Variants in DOCK9 observed in about 807,000 individuals in gnomAD.
DOCK9 encodes the protein dedicator of cytokinesis protein 9.
Under a neutral mutation model 263.3 loss-of-function variants are expected in DOCK9, and 89 were observed. That is an observed-to-expected ratio of 0.34 (90% CI 0.28 to 0.40). The LOEUF is 0.40. DOCK9 is among the 10% of genes least tolerant of loss of function. The pLI is 1.00. For synonymous variants in DOCK9, 976 were observed against 973.1 expected (o/e 1.00, Z -0.06); for missense variants, 2,140 against 2,603.4 (o/e 0.82, Z 3.87).
intron 1 of DOCK9, among the ~76,000 whole-genome samples, chr13:99,027,240 G>C (rs898062434): frequency 2.0e-5 from 3 of 151,928 alleles, no homozygotes; most frequent in Non-Finnish European, 4.4e-5. Flanking sequence ...GGCTGGTATC[G>C]AACTCCTAAC....
intron 1 of DOCK9, among the ~76,000 whole-genome samples, chr13:98,995,812 G>C (rs532265435): frequency 6.6e-6 from 1 of 152,114 alleles, no homozygotes; most frequent in Non-Finnish European, 1.5e-5. Flanking sequence ...AACATGGCTA[G>C]AAGGAGGAGT....
chr13:98,981,418 A>G (rs1316667385), upstream of DOCK9, among the ~76,000 whole-genome samples: 1 of 152,188 alleles, frequency 6.6e-6, no homozygotes. Flanking sequence ...GGGACCATCA[A>G]TGTGCAATAT....
intron 1 of DOCK9, among the ~76,000 whole-genome samples, chr13:99,026,148 G>A (rs1325646777): frequency 6.6e-6 from 1 of 151,936 alleles, no homozygotes; most frequent in Non-Finnish European, 1.5e-5. Context: ...CCGGGGTGAT[G>A]GCTAAGGGGT....
chr13:98,857,732 A>G (rs556751565), intron 33 of DOCK9: 2 of 152,366 alleles, frequency 1.3e-5, no homozygotes, highest in Non-Finnish European at 2.9e-5. Flanking sequence ...AAGAGCCAGG[A>G]GAATTTGAAA....
At chr13:99,034,067 C>T (rs908163411) in intron 1 of DOCK9, among the ~76,000 whole-genome samples, 3 of 152,122 alleles carry the variant, frequency 2.0e-5, no homozygotes, top group Non-Finnish European at 4.4e-5. Flanking sequence ...ATTTTTAATA[C>T]TGTTCAGCTC....
chr13:98,848,773 C>T, intron 36 of DOCK9, 134 bp from the exon 37 acceptor site: 1 of 974,600 alleles, frequency 1.0e-6, no homozygotes, highest in Non-Finnish European at 1.5e-6. Context: ...CTCATTCATT[C>T]AGAATGGTTT....
At chr13:98,920,879 C>A in intron 7 of DOCK9, 75 bp downstream of exon 7, 1 of 1,416,904 alleles carries the variant, frequency 7.1e-7, no homozygotes. Context: ...GAAGTGTTTG[C>A]TTAAATCTGC....
chr13:98,922,238 G>C, intron 5 of DOCK9, 92 bp from the exon 6 acceptor site: 1 of 889,360 alleles, frequency 1.1e-6, no homozygotes, highest in Non-Finnish European at 1.8e-6. Context: ...CATTCCCTTT[G>C]TGCCAAGTTG....
At chr13:98,822,797 T>C (rs1312197296) in intron 45 of DOCK9, among the ~76,000 whole-genome samples, 4 of 152,116 alleles carry the variant, frequency 2.6e-5, no homozygotes, top group Non-Finnish European at 5.9e-5. Flanking sequence ...CCTAGAAAAC[T>C]TTATTGGGGT....
intron 45 of DOCK9, among the ~76,000 whole-genome samples, chr13:98,813,599 T>C (rs980149158): frequency 6.6e-6 from 1 of 152,154 alleles, no homozygotes; most frequent in African/African-American, 2.4e-5. Flanking sequence ...CTGTTTTATG[T>C]ATTGCTAGAT....
At chr13:99,037,259 T>C (rs1189316715) in intron 1 of DOCK9, among the ~76,000 whole-genome samples, 1 of 152,066 alleles carries the variant, frequency 6.6e-6, no homozygotes, top group Non-Finnish European at 1.5e-5. Flanking sequence ...TATCCAGATA[T>C]ATAAAGAACT....
At chr13:99,011,323 A>C (rs905437706) in intron 1 of DOCK9, among the ~76,000 whole-genome samples, 1 of 152,228 alleles carries the variant, frequency 6.6e-6, no homozygotes, top group African/African-American at 2.4e-5. Flanking sequence ...ATGGCAGGTA[A>C]TATAAAAAAA....
intron 47 of DOCK9, chr13:98,809,064 C>A: frequency 6.6e-7 from 1 of 1,517,354 alleles, no homozygotes; most frequent in Non-Finnish European, 8.8e-7. Flanking sequence ...AGCAAACTTG[C>A]AAACCACACT....
intron 4 of DOCK9, among the ~76,000 whole-genome samples, chr13:98,924,856 C>T (rs930055064): frequency 6.6e-6 from 1 of 152,056 alleles, no homozygotes; most frequent in Non-Finnish European, 1.5e-5. Flanking sequence ...ACCTGCAGAA[C>T]TATAAGCGAA....
chr13:98,846,826 G>A (rs919938322), intron 37 of DOCK9: 3 of 351,562 alleles, frequency 8.5e-6, no homozygotes, highest in South Asian at 4.3e-5. Context: ...CTCGACCACC[G>A]TGGATGGCAA....
At chr13:98,902,261 T>C (rs1345911984) in intron 12 of DOCK9, 27 bp downstream of exon 12, 6 of 1,609,340 alleles carry the variant, frequency 3.7e-6, no homozygotes. Context: ...GTCTGAGTAG[T>C]GGGAATGCTG....
intron 1 of DOCK9, among the ~76,000 whole-genome samples, chr13:99,031,447 A>G (rs1359249510): frequency 6.6e-6 from 1 of 152,258 alleles, no homozygotes; most frequent in African/African-American, 2.4e-5. Context: ...TCCTGTTAAC[A>G]ATAATGAGGA....
chr13:98,868,206 T>TA, intron 28 of DOCK9, 25 bp downstream of exon 28: 1 of 1,613,020 alleles, frequency 6.2e-7, no homozygotes, highest in Admixed American at 1.7e-5. Context: ...CCATAACTGA[T>TA]ATCCTCTTCC....
Position 98,888,117 on chromosome 13 carries a change from A to G in DOCK9, c.2043+41T>C, listed in dbSNP as rs142755667. The G allele has an allele frequency of 6.1e-4, 876 of 1,425,548 alleles. 4 individuals carry two copies. The highest frequency in any genetic ancestry group is 3.0e-3 in the South Asian group (236 of 77,540). The allele number at this position is 1,425,548 out of a possible 1,614,324, so 88.3% of individuals were successfully genotyped here. A position where few individuals can be genotyped will look rare whatever the true frequency, so the allele number is the denominator to read the frequency against. On this transcript the variant is annotated intron_variant, in intron 18 of 52. Coordinates refer to ENST00000682017, the MANE Select transcript of DOCK9 (RefSeq NM_001366683.2). ...GAAAGTGCATTTTGAAAATGGAAAA[A>G]TCAGAATTCGTAGGTGAACATATAT...
Sources: gnomAD v4.1 joint callset for allele counts (sites outside exome capture counted in the v4.1 genomes callset) on GRCh38, gnomAD v4.1.1 for gene constraint, MANE v1.5 for transcripts, NCBI Gene and HGNC (gene_info 2026-07-23, HGNC 2026-07-21) for gene names.